The following RANGAP1 variants were observed in gnomAD, a reference collection of about 807,000 sequenced individuals.
RANGAP1 encodes ran GTPase-activating protein 1.
A neutral mutation model predicts 63.5 loss-of-function variants in RANGAP1; 38 were observed. That is an observed-to-expected ratio of 0.60 (90% CI 0.46 to 0.78). The LOEUF (loss-of-function observed/expected upper bound fraction) is 0.78. Among genes scored for constraint, RANGAP1 ranks in the 30% least tolerant of loss-of-function variants. The pLI, the probability that RANGAP1 is intolerant of heterozygous loss-of-function variation, is 0.00. For synonymous variants in RANGAP1, 329 were observed against 310.5 expected (o/e 1.06, Z -0.63); for missense variants, 630 against 740.3 (o/e 0.85, Z 1.73).
chr22:41,266,509 T>A (rs1457759941), intron 4 of RANGAP1, among the ~76,000 whole-genome samples: 1 of 152,190 alleles, frequency 6.6e-6, no homozygotes, highest in Non-Finnish European at 1.5e-5. Flanking sequence ...AAAAGAGAGT[T>A]CTCTTCACCA....
intron 3 of RANGAP1, among the ~76,000 whole-genome samples, chr22:41,270,458 T>C (rs1328120420): frequency 6.6e-6 from 1 of 152,188 alleles, no homozygotes; most frequent in Non-Finnish European, 1.5e-5. Flanking sequence ...TCCCTTATTT[T>C]TTATTTTGAG....
the RANGAP1 span, among the ~76,000 whole-genome samples, chr22:41,295,183 C>G: frequency 0.052 from 7,827 of 151,044 alleles, 647 homozygotes; most frequent in African/African-American, 0.18. Flanking sequence ...CGGCCACCAC[C>G]CCGTCTGGGA....
chr22:41,274,125 G>A (rs906739997), intron 3 of RANGAP1, among the ~76,000 whole-genome samples: 11 of 150,050 alleles, frequency 7.3e-5, no homozygotes, highest in African/African-American at 2.7e-4. Flanking sequence ...AGTGTAGGGA[G>A]CTGGCAGTCT....
intron 6 of RANGAP1, among the ~76,000 whole-genome samples, chr22:41,260,537 G>A (rs934201651): frequency 6.6e-6 from 1 of 152,208 alleles, no homozygotes; most frequent in East Asian, 1.9e-4. Flanking sequence ...ACTGTTTGCT[G>A]AAGAAAACAT....
At chr22:41,288,531 C>T (rs531903745), upstream of RANGAP1, among the ~76,000 whole-genome samples, 264 of 152,264 alleles carry the variant, frequency 1.7e-3, no homozygotes, top group Non-Finnish European at 2.7e-3. Context: ...TAGGACTGAT[C>T]GAATCAGTCT....
the RANGAP1 span, among the ~76,000 whole-genome samples, chr22:41,301,240 G>C: frequency 6.6e-6 from 1 of 152,198 alleles, no homozygotes; most frequent in Non-Finnish European, 1.5e-5. Flanking sequence ...AAGGGGGGCG[G>C]GGGGACTTTT....
intron 2 of RANGAP1, among the ~76,000 whole-genome samples, chr22:41,279,320 A>G (rs1232468565): frequency 6.6e-6 from 1 of 152,060 alleles, no homozygotes; most frequent in Non-Finnish European, 1.5e-5. Flanking sequence ...AATACAAAAA[A>G]TTAGCGGAGC....
chr22:41,259,388 G>A (rs2034031680), intron 6 of RANGAP1, among the ~76,000 whole-genome samples: 1 of 152,062 alleles, frequency 6.6e-6, no homozygotes. Context: ...AACCCTTCAG[G>A]CAGTCTGGTG....
At chr22:41,279,521 T>C (rs1003548887) in intron 2 of RANGAP1, among the ~76,000 whole-genome samples, 2 of 151,362 alleles carry the variant, frequency 1.3e-5, no homozygotes, top group African/African-American at 2.4e-5. Flanking sequence ...TGTACACACC[T>C]GTAGTCCCAG....
chr22:41,252,977 C>A lies in RANGAP1; in HGVS notation c.1275G>T (p.Val425=). The A allele has an allele frequency of 2.0e-6, 3 of 1,509,880 alleles. No individual in the cohort carries two copies. The highest frequency in any genetic ancestry group is 2.6e-5 in the South Asian group (2 of 77,924). The allele number at this position is 1,509,880 out of a possible 1,614,324, so 93.5% of individuals were successfully genotyped here. A position where few individuals can be genotyped will look rare whatever the true frequency, so the allele number is the denominator to read the frequency against. Residue 425 remains valine, a synonymous_variant, in exon 12 of 16, where the codon GTG becomes GTT. Transcript: ENST00000356244. The stretch of plus-strand genomic sequence containing the variant: ...CGTCTGCAGGAGGTGGGGAGGACAG[C>A]ACGGGAGCTGGCTCCTGGGAAGTAG... ...LDPNTGEPAP[V]LSSPPPADVS...
At chr22:41,246,716 C>A (rs1459745788) in intron 15 of RANGAP1, 44 bp from the exon 16 acceptor site, 22 of 1,486,088 alleles carry the variant, frequency 1.5e-5, no homozygotes, top group Non-Finnish European at 1.9e-5. Flanking sequence ...TGCCTCTTGG[C>A]CTGTTTTCCA....
At chr22:41,256,384 G>A (rs1211509329) in intron 8 of RANGAP1, 94 bp from the exon 9 acceptor site, 2 of 1,286,850 alleles carry the variant, frequency 1.6e-6, no homozygotes, top group East Asian at 2.4e-5. Flanking sequence ...TGAGGATATG[G>A]CAGGCTCTGT....
chr22:41,252,695 C>T (rs553781297), intron 12 of RANGAP1, among the ~76,000 whole-genome samples, 177 bp downstream of exon 12: 1 of 152,266 alleles, frequency 6.6e-6, no homozygotes, highest in East Asian at 1.9e-4. Context: ...ATTTGCAACC[C>T]CTGGAGGCTT....
In RANGAP1 at chr22:41,261,517, G is replaced by A; in HGVS notation, c.544C>T (p.Leu182=). The A allele has an allele frequency of 1.2e-6, 2 of 1,614,244 alleles. No homozygotes were observed. Among genetic ancestry groups the A allele is most frequent in the Non-Finnish European group, 1.7e-6 (2 of 1,180,052 alleles). ...KSSAQGKPLA[L]KVFVAGRNRL... is the part of the protein sequence containing the mutation. ...TTTCTGCCAGCCACAAAGACCTTCAGGGCCAGAGGCTTGCCTTGGGCACTG... is the reference window on the plus strand; with the variant it reads ...TTTCTGCCAGCCACAAAGACCTTCAAGGCCAGAGGCTTGCCTTGGGCACTG... The change falls in exon 6 of 16, where the codon CTG becomes TTG. Residue 182 remains leucine, a synonymous_variant. Coordinates refer to ENST00000356244, the MANE Select transcript of RANGAP1 (RefSeq NM_002883.4).
intron 5 of RANGAP1, among the ~76,000 whole-genome samples, chr22:41,262,287 C>T (rs768228796): frequency 6.6e-6 from 1 of 152,240 alleles, no homozygotes; most frequent in Middle Eastern, 3.4e-3. Flanking sequence ...GGAGACTGAC[C>T]GATGGGAATC....
At chr22:41,285,914 C>A (rs966884366) in intron 1 of RANGAP1, 72 bp downstream of exon 1, 2 of 158,450 alleles carry the variant, frequency 1.3e-5, no homozygotes, top group Non-Finnish European at 2.7e-5. Context: ...CGCACACGGG[C>A]GCCACGCCCT....
the RANGAP1 span, among the ~76,000 whole-genome samples, chr22:41,293,517 C>G: frequency 6.6e-6 from 1 of 151,960 alleles, no homozygotes; most frequent in Non-Finnish European, 1.5e-5. Context: ...CAGTGCCTCA[C>G]GCCTGTAATC....
At chr22:41,280,172 A>G (rs139531) in intron 2 of RANGAP1, among the ~76,000 whole-genome samples, 38,926 of 152,096 alleles carry the variant, frequency 0.26, 5,378 homozygotes, top group African/African-American at 0.28. Flanking sequence ...AACATGCATC[A>G]GCACGCTCCC....
chr22:41,285,254 G>C (rs1246328651), intron 1 of RANGAP1: 1 of 152,834 alleles, frequency 6.5e-6, no homozygotes, highest in Non-Finnish European at 1.5e-5. Flanking sequence ...AGGGTAAAAG[G>C]TGGTGGTGAA....
Sources: gnomAD v4.1 joint callset for allele counts (sites outside exome capture counted in the v4.1 genomes callset) on GRCh38, gnomAD v4.1.1 for gene constraint, MANE v1.5 for transcripts, NCBI Gene and HGNC (gene_info 2026-07-23, HGNC 2026-07-21) for gene names.